DNTT: variants seen among roughly 807,000 people sequenced by gnomAD.
DNTT encodes the protein DNA nucleotidylexotransferase, also known as nucleosidetriphosphate:DNA deoxynucleotidylexotransferase.
In DNTT, 47 loss-of-function variants were observed where a neutral mutation model predicts 60.9. The ratio of observed to expected loss-of-function variants is 0.77; its 90% CI spans 0.61 to 0.98. The LOEUF (loss-of-function observed/expected upper bound fraction) is 0.98, where lower values mean the gene tolerates loss of function less well. DNTT is among the 50% of genes least tolerant of loss of function. DNTT has a pLI of 0.00. For synonymous variants in DNTT, 224 were observed against 221.2 expected, an observed-to-expected ratio of 1.01 and a Z score of -0.11; for missense variants, 665 against 627.5, an observed-to-expected ratio of 1.06 and a Z score of -0.64.
At chr10:96,308,534 G>A (rs566926569) in intron 1 of DNTT, among the ~76,000 whole-genome samples, 45 of 152,116 alleles carry the variant, frequency 3.0e-4, no homozygotes, top group Non-Finnish European at 5.4e-4. Flanking sequence ...GTTCCAATAC[G>A]TGGAGCTATT....
At chr10:96,328,460 G>T (rs925186106) in intron 7 of DNTT, among the ~76,000 whole-genome samples, 66 of 152,270 alleles carry the variant, frequency 4.3e-4, no homozygotes, top group African/African-American at 1.5e-3. Context: ...AGGTTTGTGT[G>T]AGTGTGTAGA....
intron 5 of DNTT, 103 bp downstream of exon 5, chr10:96,322,831 CAG>C (rs1844896710): frequency 2.3e-6 from 2 of 883,536 alleles, no homozygotes; most frequent in African/African-American, 3.4e-5. Context: ...TAACAAAATA[CAG>C]AGATGGCGTG....
At chr10:96,326,261 C>T (rs1166910513) in intron 6 of DNTT, among the ~76,000 whole-genome samples, 2 of 151,272 alleles carry the variant, frequency 1.3e-5, no homozygotes, top group African/African-American at 4.9e-5. Flanking sequence ...CTTCTTAGAT[C>T]AAACTCCTCA....
rs759192121 is a variant in DNTT, at chr10:96,320,748, G to A, written c.638G>A (p.Gly213Glu). 1.2e-6 allele frequency: 2 copies of A among 1,613,822 alleles called. No individual in the cohort carries two copies. The highest frequency in any genetic ancestry group is 2.2e-5 in the South Asian group (2 of 91,054). Residue 213 changes from glycine (G) to glutamate (E), a missense_variant, in exon 4 of 11, where the codon GGA becomes GAA. By Grantham distance (98) the Gly-to-Glu change is moderately conservative. Coordinates refer to ENST00000371174, the MANE Select transcript of DNTT (RefSeq NM_004088.4). ...ATCATCAGTATGAAGGACACAGAAG[G>A]AATTCCCTGCCTGGGGTCCAAGGTG... ...FTIISMKDTE[G>E]IPCLGSKVKG... is the part of the protein sequence containing the mutation.
chr10:96,332,409 G>C lies in DNTT; in HGVS notation c.1172G>C (p.Ser391Thr), dbSNP rs907956717. Residue 391 changes from serine to threonine, a missense_variant, in exon 9 of 11, where the codon AGC becomes ACC. Physicochemically the swap from Ser to Thr is moderately conservative, Grantham distance 58. Coordinates refer to ENST00000371174, the MANE Select transcript of DNTT (RefSeq NM_004088.4). Reference protein sequence around the residue: ...ESTFEKLRLPSRKVDALDHFQ... With the variant: ...ESTFEKLRLPTRKVDALDHFQ... ...ACATTTGAAAAGCTCAGGTTGCCTA[G>C]CAGGAAGGTTGATGCTTTGGATCAT... The C allele has an allele frequency of 6.2e-7, 1 of 1,614,066 alleles. No homozygotes were observed. The highest frequency in any genetic ancestry group is 1.3e-5 in the African/African-American group (1 of 74,930).
intron 1 of DNTT, among the ~76,000 whole-genome samples, chr10:96,315,047 C>G (rs1844771792): frequency 6.6e-6 from 1 of 152,088 alleles, no homozygotes; most frequent in African/African-American, 2.4e-5. Flanking sequence ...TGATGGCAAC[C>G]CCGACACGAG....
intron 4 of DNTT, 108 bp downstream of exon 4, chr10:96,320,896 A>C: frequency 1.4e-6 from 2 of 1,380,548 alleles, no homozygotes; most frequent in Non-Finnish European, 2.0e-6. Flanking sequence ...TGTGGTGTAC[A>C]TCACAAATTT....
intron 10 of DNTT, among the ~76,000 whole-genome samples, chr10:96,337,584 T>C (rs767937865): frequency 1.3e-5 from 2 of 152,204 alleles, no homozygotes; most frequent in Non-Finnish European, 2.9e-5. Flanking sequence ...CACCGTGCTA[T>C]GTACAAGAAG....
intron 6 of DNTT, 72 bp from the exon 7 acceptor site, chr10:96,327,396 C>A (rs1844948116): frequency 1.2e-6 from 2 of 1,608,118 alleles, no homozygotes; most frequent in Admixed American, 1.7e-5. Context: ...GGGACAGAAT[C>A]CCCTTCTACT....
chr10:96,328,874 T>C (rs746801398), intron 8 of DNTT, 44 bp downstream of exon 8: 4 of 1,575,500 alleles, frequency 2.5e-6, no homozygotes, highest in Non-Finnish European at 3.5e-6. Context: ...AAACATTATG[T>C]TAACACTTGA....
intron 7 of DNTT, among the ~76,000 whole-genome samples, 180 bp downstream of exon 7, chr10:96,327,780 A>T (rs1844955929): frequency 6.6e-6 from 1 of 152,188 alleles, no homozygotes; most frequent in Admixed American, 6.5e-5. Flanking sequence ...TCCCCTGCAC[A>T]TTCAGAGCTG....
rs748936710 is a variant in DNTT at position 96,328,819 on chromosome 10, T to C, written c.1102T>C (p.Trp368Arg). The change falls in exon 8 of 11, where the codon TGG (tryptophan) becomes CGG (arginine). Residue 368 changes from tryptophan (W) to arginine (R), a missense_variant. Physicochemically the swap from Trp to Arg is moderately radical, Grantham distance 101. Coordinates refer to ENST00000371174, the MANE Select transcript of DNTT (RefSeq NM_004088.4). ...EQLLQKVMNL[W>R]EKKGLLLYYD... is the part of the protein sequence containing the mutation. ...ACTTTTACAGAAAGTGATGAACTTA[T>C]GGGAAAAGAAGGTGAGAAGAAAGAT... 1.9e-6 allele frequency: 3 copies of C among 1,612,780 alleles called. No homozygotes were observed. The highest frequency in any genetic ancestry group is 2.2e-5 in the South Asian group (2 of 90,624).
At chr10:96,323,713 AG>A (rs1844907084) in intron 5 of DNTT, among the ~76,000 whole-genome samples, 1 of 152,196 alleles carries the variant, frequency 6.6e-6, no homozygotes, top group East Asian at 1.9e-4. Context: ...TGCAGGTGGA[AG>A]GGACTTCCAC....
intron 5 of DNTT, among the ~76,000 whole-genome samples, chr10:96,323,574 T>TGG (rs56838373): frequency 1.9e-4 from 29 of 152,004 alleles, no homozygotes; most frequent in African/African-American, 6.3e-4. Flanking sequence ...ATGAGGACCA[T>TGG]GGGGGGGTTG....
chr10:96,326,019 A>G (rs1474457613), intron 6 of DNTT, among the ~76,000 whole-genome samples: 1 of 152,246 alleles, frequency 6.6e-6, no homozygotes, highest in Non-Finnish European at 1.5e-5. Flanking sequence ...TCGCCTTGCC[A>G]TACCAAAAAG....
chr10:96,329,183 TGAG>T (rs1361880488), intron 8 of DNTT, among the ~76,000 whole-genome samples: 1 of 152,118 alleles, frequency 6.6e-6, no homozygotes, highest in Non-Finnish European at 1.5e-5. Flanking sequence ...CAAGCTTGGG[TGAG>T]GGGGCAGGAC....
intron 1 of DNTT, among the ~76,000 whole-genome samples, chr10:96,308,953 C>A (rs1844675944): frequency 6.6e-6 from 1 of 152,172 alleles, no homozygotes; most frequent in African/African-American, 2.4e-5. Flanking sequence ...TTGCTTCAGG[C>A]CATCTGGATG....
intron 1 of DNTT, among the ~76,000 whole-genome samples, chr10:96,315,346 G>A (rs1221515395): frequency 6.6e-6 from 1 of 151,962 alleles, no homozygotes; most frequent in African/African-American, 2.4e-5. Context: ...GGAACTAGTG[G>A]CAACCAATAC....
intron 9 of DNTT, among the ~76,000 whole-genome samples, chr10:96,333,031 A>C (rs1210694305): frequency 1.3e-5 from 2 of 152,244 alleles, no homozygotes; most frequent in Non-Finnish European, 2.9e-5. Context: ...GTGGAGAGGC[A>C]ACTCACAGAT....
Sources: allele counts gnomAD v4.1 joint callset (sites outside exome capture counted in the v4.1 genomes callset), GRCh38; gene constraint gnomAD v4.1.1; transcripts MANE v1.5; gene names NCBI Gene and HGNC (gene_info 2026-07-23, HGNC 2026-07-21).